Variants in IGHMBP2 observed in about 807,000 individuals in gnomAD.
IGHMBP2 encodes the protein immunoglobulin mu DNA binding protein 2.
Under a neutral mutation model 96.0 loss-of-function variants are expected in IGHMBP2, and 81 were observed. That is an observed-to-expected ratio of 0.84 (90% CI 0.71 to 1.01). The LOEUF (loss-of-function observed/expected upper bound fraction) is 1.01, where lower values mean the gene tolerates loss of function less well. Among genes scored for constraint, IGHMBP2 ranks in the 50% least tolerant of loss-of-function variants. The probability of loss-of-function intolerance (pLI) is 0.00; values close to 1 mark genes in which losing one functional copy is unlikely to be tolerated. For synonymous variants in IGHMBP2, 557 were observed against 548.9 expected (o/e 1.01, Z -0.21); for missense variants, 1,227 against 1,306.3 (o/e 0.94, Z 0.94).
chr11:68,939,430 C>T, intron 14 of IGHMBP2, 104 bp from the exon 15 acceptor site: 1 of 1,225,908 alleles, frequency 8.2e-7, no homozygotes, highest in Non-Finnish European at 1.2e-6. Flanking sequence ...GAGTGGCCTT[C>T]TCTGTTGGGG....
At chr11:68,925,063 G>T (rs1859013210) in intron 7 of IGHMBP2, among the ~76,000 whole-genome samples, 1 of 151,108 alleles carries the variant, frequency 6.6e-6, no homozygotes, top group Non-Finnish European at 1.5e-5. Flanking sequence ...GAAGCCAAAA[G>T]ATTGCACATC....
intron 8 of IGHMBP2, chr11:68,932,989 C>T (rs535668924): frequency 7.0e-5 from 33 of 470,900 alleles, no homozygotes; most frequent in Non-Finnish European, 1.1e-4. Flanking sequence ...CCCTCGCATG[C>T]CCCCTTATAA....
chr11:68,931,323 A>G (rs1453266405), intron 8 of IGHMBP2, among the ~76,000 whole-genome samples: 1 of 152,038 alleles, frequency 6.6e-6, no homozygotes, highest in Non-Finnish European at 1.5e-5. Flanking sequence ...TGCACCCAAG[A>G]GCTCCCGACC....
rs778432921 is a variant in IGHMBP2 at position 68,906,141 on chromosome 11, C to T, written c.159C>T (p.Ser53=). The change falls in exon 2 of 15, where the codon TCC becomes TCT. Residue 53 remains serine (S), a synonymous_variant. Transcript: ENST00000255078. ...RGVCLLKLQV[S]SQRTGLYGRL... ...TGTGTTTGCTGAAGCTGCAGGTATC[C>T]AGCCAGCGCACTGGGCTGTACGGAC... 1.9e-6 allele frequency: 3 copies of T among 1,614,190 alleles called. No individual in the cohort carries two copies. The highest frequency in any genetic ancestry group is 2.5e-6 in the Non-Finnish European group (3 of 1,180,024).
Position 68,939,873 on chromosome 11 carries a change from G to A in IGHMBP2, c.*142G>A. The A allele has an allele frequency of 1.2e-6, 1 of 866,856 alleles. No homozygotes were observed. The highest frequency in any genetic ancestry group is 3.6e-4 in the Middle Eastern group (1 of 2,748). 53.7% of individuals were successfully genotyped at this position (866,856 alleles called of 1,614,324 possible). ...GCGGAGGGCCCTGTTGGGGAAGGTT[G>A]GGTTTTTGGACCCCAGGGATAAGCT... On this transcript the variant is annotated 3_prime_UTR_variant, in exon 15 of 15. Coordinates refer to ENST00000255078, the MANE Select transcript of IGHMBP2 (RefSeq NM_002180.3).
rs1015873972 is a variant in IGHMBP2 at position 68,908,521 on chromosome 11, T to C, written c.450-13T>C. On this transcript the variant is annotated splice_polypyrimidine_tract_variant and intron_variant, in intron 3 of 14. Transcript: ENST00000255078. ...ATTGCAGGTGTTCTAATTTTAGTTTTCTCCCTTGGCAGAGCCCTGATTGCT... is the reference window on the plus strand; with the variant it reads ...ATTGCAGGTGTTCTAATTTTAGTTTCCTCCCTTGGCAGAGCCCTGATTGCT... 1 of 1,608,540 alleles carries C rather than the reference T, an allele frequency of 6.2e-7. No individual in the cohort carries two copies. The highest frequency in any genetic ancestry group is 8.5e-7 in the Non-Finnish European group (1 of 1,175,030).
At chr11:68,915,096 C>A in intron 6 of IGHMBP2, 73 bp downstream of exon 6, 1 of 1,163,902 alleles carries the variant, frequency 8.6e-7, no homozygotes, top group Non-Finnish European at 1.3e-6. Context: ...GCAAATTTAT[C>A]TGTCTGCATT....
Position 68,938,370 on chromosome 11 carries a change from C to A in IGHMBP2, c.2784+16C>A. Reference sequence around the variant, plus strand: ...CCTGCCCGAGGTATGTCGGCCTCCCCTCCTGCGATCAAACAGTGGGGAGGG... The same window carrying A: ...CCTGCCCGAGGTATGTCGGCCTCCCATCCTGCGATCAAACAGTGGGGAGGG... On this transcript the variant is annotated intron_variant, in intron 14 of 14. Transcript: ENST00000255078. The A allele has an allele frequency of 6.3e-7, 1 of 1,596,588 alleles. No homozygotes were observed. Among genetic ancestry groups the A allele is most frequent in the Admixed American group, 1.7e-5 (1 of 58,306 alleles).
Position 68,933,484 on chromosome 11 carries a change from G to T in IGHMBP2, c.1418+3G>T. The T allele has an allele frequency of 6.2e-7, 1 of 1,610,660 alleles. No homozygotes were observed. On this transcript the variant is annotated splice_donor_region_variant and intron_variant, in intron 9 of 14. Coordinates refer to ENST00000255078, the MANE Select transcript of IGHMBP2 (RefSeq NM_002180.3). ...TCCGTGGCAAGGCACCTCCTGAGGT[G>T]AGTAGCTCGGCACCACCCGCCGCCC...
chr11:68,935,586 G>A (rs1440867537), intron 12 of IGHMBP2, among the ~76,000 whole-genome samples, 164 bp downstream of exon 12: 1 of 152,220 alleles, frequency 6.6e-6, no homozygotes, highest in South Asian at 2.1e-4. Context: ...ACAGGCAAGA[G>A]AGTCTGCAGA....
At position 68,936,531 on chromosome 11, in the gene IGHMBP2, A is replaced by T. The variant is rs773136945; in HGVS notation, c.2051A>T (p.Gln684Leu). The stretch of plus-strand genomic sequence containing the variant: ...GGAAGCCAGCGGCAGGAGGGAGGCC[A>T]GGAGGCTGCAGCACCTGCCAGACAG... Reference protein sequence around the residue: ...RTGSQRQEGGQEAAAPARQGR... With the variant: ...RTGSQRQEGGLEAAAPARQGR... The change falls in exon 13 of 15, where the codon CAG becomes CTG. Residue 684 changes from glutamine to leucine, a missense_variant. Physicochemically the swap from Gln to Leu is moderately radical, Grantham distance 113. This residue lies in a region of IGHMBP2 where 703 missense variants were observed against 770.3 expected (regional missense o/e 0.91). Transcript: ENST00000255078. 1.2e-6 allele frequency: 2 copies of T among 1,613,052 alleles called. No homozygotes were observed. The highest frequency in any genetic ancestry group is 8.5e-7 in the Non-Finnish European group (1 of 1,179,774).
chr11:68,931,126 C>T (rs1394428481), intron 8 of IGHMBP2, among the ~76,000 whole-genome samples: 4 of 152,214 alleles, frequency 2.6e-5, no homozygotes, highest in Admixed American at 6.5e-5. Context: ...ACTCTGTCTG[C>T]CTCCCGCTGC....
chr11:68,914,704 G>A, intron 5 of IGHMBP2, 119 bp from the exon 6 acceptor site: 4 of 1,019,740 alleles, frequency 3.9e-6, no homozygotes, highest in Non-Finnish European at 6.2e-6. Context: ...ATTTGATTGA[G>A]AGCACGTGTG....
Position 68,933,827 on chromosome 11 carries a change from C to G in IGHMBP2, c.1451C>G (p.Thr484Arg). The change falls in exon 10 of 15, where the codon ACG becomes AGG. Residue 484 changes from threonine (T) to arginine (R), a missense_variant. By Grantham distance (71) the Thr-to-Arg change is moderately conservative. Coordinates refer to ENST00000255078, the MANE Select transcript of IGHMBP2 (RefSeq NM_002180.3). ...CCAGGTGTGGCTGCCACAGAAGAGACGGGTGTGCCCCTGCTCTTGGTGGAC... is the reference window on the plus strand; with the variant it reads ...CCAGGTGTGGCTGCCACAGAAGAGAGGGGTGTGCCCCTGCTCTTGGTGGAC... ...DLPGVAATEETGVPLLLVDTA... is the reference protein window; with the variant it reads ...DLPGVAATEERGVPLLLVDTA... The G allele has an allele frequency of 6.2e-7, 1 of 1,612,468 alleles. No individual in the cohort carries two copies. Among genetic ancestry groups the G allele is most frequent in the Non-Finnish European group, 8.5e-7 (1 of 1,179,440 alleles).
intron 8 of IGHMBP2, among the ~76,000 whole-genome samples, chr11:68,931,963 G>C (rs1467182639): frequency 6.7e-6 from 1 of 150,264 alleles, no homozygotes; most frequent in Non-Finnish European, 1.5e-5. Context: ...CCTGGAGAGA[G>C]TAGGATGGTT....
At chr11:68,922,830 C>A (rs1858930302) in intron 7 of IGHMBP2, among the ~76,000 whole-genome samples, 1 of 152,202 alleles carries the variant, frequency 6.6e-6, no homozygotes, top group African/African-American at 2.4e-5. Context: ...CACAGCTGAA[C>A]CTTTATACTT....
Position 68,919,205 on chromosome 11 carries a change from G to A in IGHMBP2, c.1060+1322G>A, listed in dbSNP as rs140996763. Among the ~76,000 whole-genome samples the A allele has an allele frequency of 1.4e-4, 19 of 134,208 alleles. No homozygotes were observed. The East Asian group carries it at 3.3e-3, about 23-fold the overall frequency. 88.0% of individuals were successfully genotyped at this position (134,208 alleles called of 152,430 possible). A position where few individuals can be genotyped will look rare whatever the true frequency, so the allele number is the denominator to read the frequency against. On this transcript the variant is annotated intron_variant, in intron 7 of 14. Transcript: ENST00000255078. ...CCCTCCCCTCCCCGTCCCCGTCCCCGTCCTGTGTGGGATCTCACTGTGTTG... is the reference window on the plus strand; with the variant it reads ...CCCTCCCCTCCCCGTCCCCGTCCCCATCCTGTGTGGGATCTCACTGTGTTG...
chr11:68,911,317 CT>C lies in IGHMBP2; in HGVS notation c.548-122del. 6.4e-6 allele frequency: 6 copies of C among 930,568 alleles called. No homozygotes were observed. In the South Asian group the frequency reaches 8.3e-5, roughly 13 times the overall value. The allele number at this position is 930,568 out of a possible 1,614,324, so 57.6% of individuals were successfully genotyped here. A position where few individuals can be genotyped will look rare whatever the true frequency, so the allele number is the denominator to read the frequency against. On this transcript the variant is annotated intron_variant, in intron 4 of 14. Transcript: ENST00000255078. ...TAATTTTGTGTTGATTGGGTTGCCC[CT>C]GGGGAGGTCCGGCGTGTTCCTGACA...
rs1859714791 is a variant in IGHMBP2 at position 68,940,521 on chromosome 11, C to T, written c.*790C>T. Reference sequence around the variant, plus strand: ...CCAACTCTTCTATTTAAGAGAACCTCAGATGATGTACCTGAGCCTCAGGGT... The same window carrying T: ...CCAACTCTTCTATTTAAGAGAACCTTAGATGATGTACCTGAGCCTCAGGGT... On this transcript the variant is annotated 3_prime_UTR_variant, in exon 15 of 15. Coordinates refer to ENST00000255078, the MANE Select transcript of IGHMBP2 (RefSeq NM_002180.3). 6.6e-6 allele frequency: 1 copy of T among 152,216 alleles called. No homozygotes were observed. The highest frequency in any genetic ancestry group is 1.5e-5 in the Non-Finnish European group (1 of 68,052). 9.4% of individuals were successfully genotyped at this position (152,216 alleles called of 1,614,324 possible).
Sources: gnomAD v4.1 joint callset for allele counts (sites outside exome capture counted in the v4.1 genomes callset) on GRCh38, gnomAD v4.1.1 for gene constraint, gnomAD v4.1.1 regional missense constraint, MANE v1.5 for transcripts, NCBI Gene and HGNC (gene_info 2026-07-23, HGNC 2026-07-21) for gene names.